UNC13A: variants seen among roughly 807,000 people sequenced by gnomAD.
UNC13A encodes the protein protein unc-13 homolog A.
UNC13A carries 61 observed loss-of-function variants against 219.7 expected under a neutral mutation model. The ratio of observed to expected loss-of-function variants is 0.28; its 90% CI spans 0.23 to 0.34. The LOEUF is 0.34. Ranked by LOEUF, UNC13A falls within the 10% of genes least tolerant of loss-of-function variation. The pLI is 1.00. For synonymous variants in UNC13A, 920 were observed against 884.6 expected (o/e 1.04, Z -0.71); for missense variants, 1,476 against 2,270.3 (o/e 0.65, Z 7.11).
rs1193323807 is a variant in UNC13A, at chr19:17,627,608, A to C, written c.3832-11T>G. 1 of 1,554,660 alleles carries C rather than the reference A, an allele frequency of 6.4e-7. No individual in the cohort carries two copies. Among genetic ancestry groups the C allele is most frequent in the Non-Finnish European group, 8.7e-7 (1 of 1,147,272 alleles). On this transcript the variant is annotated splice_polypyrimidine_tract_variant and intron_variant, in intron 32 of 43. Coordinates refer to ENST00000519716, the MANE Select transcript of UNC13A (RefSeq NM_001080421.3). This position sits in a 1 kb window ranked among gnomAD's most constrained non-coding sequence, Gnocchi z 4.7. ...GGCTTCAGCATCCAGCTAAGGAGGG[A>C]GAAGGGACACCAGGCCAGGTTCAGT...
intron 42 of UNC13A, 118 bp downstream of exon 42, chr19:17,611,645 C>T: frequency 2.2e-6 from 2 of 903,128 alleles, no homozygotes; most frequent in Non-Finnish European, 3.5e-6. Flanking sequence ...CACCTTTGGA[C>T]GTTTCCGTTT....
At chr19:17,639,667 G>A in intron 23 of UNC13A, 142 bp from the exon 24 acceptor site, 1 of 1,162,094 alleles carries the variant, frequency 8.6e-7, no homozygotes. Context: ...GGATCTGCTT[G>A]GATGCACCAA....
rs1478405613 is a variant in UNC13A, at chr19:17,609,960, C to T, written c.4791G>A (p.Lys1597=). The T allele has an allele frequency of 1.2e-6, 2 of 1,613,732 alleles. No individual in the cohort carries two copies. The highest frequency in any genetic ancestry group is 1.7e-6 in the Non-Finnish European group (2 of 1,179,890). The change falls in exon 43 of 44, where the codon AAG becomes AAA. Residue 1597 remains lysine, a synonymous_variant. Coordinates refer to ENST00000519716, the MANE Select transcript of UNC13A (RefSeq NM_001080421.3). ...TKSKNNSWAP[K]YNESFQFTLS... Reference sequence around the variant, plus strand: ...CTCACAACTGGAAGCTCTCATTGTACTTGGGAGCCCAGCTATTGTTCTTGG... The same window carrying T: ...CTCACAACTGGAAGCTCTCATTGTATTTGGGAGCCCAGCTATTGTTCTTGG...
At chr19:17,665,270 G>C (rs1374914689) in intron 7 of UNC13A, among the ~76,000 whole-genome samples, 1 of 152,014 alleles carries the variant, frequency 6.6e-6, no homozygotes, top group Non-Finnish European at 1.5e-5. Context: ...GAGTGCAGTG[G>C]GGTTTTGGTG....
At chr19:17,637,727 C>A (rs1385596494) in intron 25 of UNC13A, among the ~76,000 whole-genome samples, 1 of 150,726 alleles carries the variant, frequency 6.6e-6, no homozygotes, top group Non-Finnish European at 1.5e-5. Flanking sequence ...AGACTGATTC[C>A]AACTCTAGTC....
chr19:17,637,725 T>G (rs569274566), intron 25 of UNC13A, among the ~76,000 whole-genome samples: 1 of 151,318 alleles, frequency 6.6e-6, no homozygotes, highest in South Asian at 2.1e-4. Context: ...TGAGACTGAT[T>G]CCAACTCTAG....
intron 8 of UNC13A, among the ~76,000 whole-genome samples, chr19:17,662,929 A>AG: frequency 6.6e-6 from 1 of 151,812 alleles, no homozygotes; most frequent in East Asian, 1.9e-4. Flanking sequence ...CAAAAAAAAA[A>AG]AAAAAAAGGA....
Position 17,636,156 on chromosome 19 carries a change from G to C in UNC13A, c.3083C>G (p.Ala1028Gly), listed in dbSNP as rs768953319. ...CTCTGGGAGAACTTCCCCCTTCTTG[G>C]CCTGAAATGGACAGTGGAGACCTCG... ...LYSREYQTDP[A>G]KKGEVLPEEQ... The change falls in exon 26 of 44, where the codon GCC (alanine) becomes GGC (glycine). Residue 1028 changes from alanine (A) to glycine (G), a missense_variant and splice_region_variant. By Grantham distance (60) the Ala-to-Gly change is moderately conservative. Transcript: ENST00000519716. 3.8e-6 allele frequency: 6 copies of C among 1,594,468 alleles called. No homozygotes were observed. In the East Asian group the frequency reaches 1.4e-4, roughly 36 times the overall value.
At chr19:17,636,187 A>AG (rs1226721447) in intron 25 of UNC13A, 30 bp from the exon 26 acceptor site, 2 of 1,565,108 alleles carry the variant, frequency 1.3e-6, no homozygotes, top group Non-Finnish European at 1.7e-6. Context: ...CCTCGGTTAT[A>AG]GGGGGTCCAG....
chr19:17,625,551 A>C (rs1265898629), intron 34 of UNC13A, among the ~76,000 whole-genome samples: 2 of 151,852 alleles, frequency 1.3e-5, no homozygotes, highest in Admixed American at 6.6e-5. Context: ...CCATCTGTTC[A>C]TCCATCCATC....
At chr19:17,629,130 CACAGGTGG>C in intron 31 of UNC13A, 102 bp downstream of exon 31, 1 of 871,382 alleles carries the variant, frequency 1.1e-6, no homozygotes, top group Non-Finnish European at 1.8e-6. Flanking sequence ...TCAGATCACA[CACAGGTGG>C]ACATACATAG....
Position 17,631,184 on chromosome 19 carries a change from T to TTCCTTCCCTCCC in UNC13A, c.3429-446_3429-435dup, listed in dbSNP as rs1555778889. On this transcript the variant is annotated intron_variant, in intron 28 of 43. Transcript: ENST00000519716. The stretch of plus-strand genomic sequence containing the variant: ...CTCCCTCCCTCCCTCCCTCCTTTCC[T>TTCCTTCCCTCCC]TCCTTCCCTCCCTCCCTCCCTTCCT... 1.6e-3 allele frequency among the ~76,000 whole-genome samples: 40 copies of TTCCTTCCCTCCC among 25,502 alleles called. 3 individuals are homozygous for TTCCTTCCCTCCC. The highest frequency in any genetic ancestry group is 6.6e-3 in the East Asian group (10 of 1,520). 16.7% of individuals were successfully genotyped at this position (25,502 alleles called of 152,430 possible). A position where few individuals can be genotyped will look rare whatever the true frequency, so the allele number is the denominator to read the frequency against.
chr19:17,665,618 C>A (rs983060600), intron 7 of UNC13A, among the ~76,000 whole-genome samples: 3 of 152,112 alleles, frequency 2.0e-5, no homozygotes, highest in African/African-American at 7.2e-5. Context: ...TCCTCTTGGG[C>A]CTCAGTTTCT....
chr19:17,685,717 G>T (rs1253223977), intron 1 of UNC13A, among the ~76,000 whole-genome samples: 1 of 152,160 alleles, frequency 6.6e-6, no homozygotes, highest in Non-Finnish European at 1.5e-5. Flanking sequence ...CCAGGCACAT[G>T]GTCTGCGTAG....
chr19:17,626,889 T>C (rs2076789095), intron 33 of UNC13A, 104 bp from the exon 34 acceptor site: 4 of 1,440,754 alleles, frequency 2.8e-6, no homozygotes, highest in Non-Finnish European at 3.7e-6. Flanking sequence ...TCACAGCACA[T>C]AACCGAGCAA....
intron 1 of UNC13A, among the ~76,000 whole-genome samples, chr19:17,678,050 C>T (rs2079932709): frequency 6.6e-6 from 1 of 152,202 alleles, no homozygotes. Context: ...ATGTCACAGC[C>T]TCCCATCCCG....
chr19:17,659,600 T>C (rs1701954184), intron 8 of UNC13A, among the ~76,000 whole-genome samples: 1 of 152,094 alleles, frequency 6.6e-6, no homozygotes, highest in South Asian at 2.1e-4. Context: ...AGGCCCCATC[T>C]CTTTAAAAAA....
At chr19:17,686,042 C>G (rs893729736) in intron 1 of UNC13A, among the ~76,000 whole-genome samples, 1 of 151,620 alleles carries the variant, frequency 6.6e-6, no homozygotes, top group Non-Finnish European at 1.5e-5. Flanking sequence ...CCTCCTCACT[C>G]CAACCTCACA....
At chr19:17,631,784 G>A (rs910513610) in intron 28 of UNC13A, among the ~76,000 whole-genome samples, 3 of 152,054 alleles carry the variant, frequency 2.0e-5, no homozygotes, top group South Asian at 2.1e-4. Context: ...TCACTCTGTC[G>A]CCCAGGCTGG....
Sources: allele counts gnomAD v4.1 joint callset (sites outside exome capture counted in the v4.1 genomes callset), GRCh38; gene constraint gnomAD v4.1.1; non-coding constraint Gnocchi (gnomAD v3.1); transcripts MANE v1.5; gene names NCBI Gene and HGNC (gene_info 2026-07-23, HGNC 2026-07-21).